The following HMCN2 variants were observed in gnomAD, a reference collection of about 807,000 sequenced individuals.
The protein encoded by HMCN2 is hemicentin 2.
Under a neutral mutation model 377.5 loss-of-function variants are expected in HMCN2, and 325 were observed. That is an observed-to-expected ratio of 0.86 (90% CI 0.79 to 0.94). HMCN2 has a LOEUF of 0.94. Among genes scored for constraint, HMCN2 ranks in the 40% least tolerant of loss-of-function variants. The pLI is 0.00. For missense variants in HMCN2, 4,543 were observed against 4,725.3 expected (o/e 0.96, Z 1.13); for synonymous variants, 2,007 against 2,046.8 (o/e 0.98, Z 0.53).
In HMCN2 at chr9:130,299,060, C is replaced by A. The variant is rs1554933208; in HGVS notation, c.1048C>A (p.Leu350Met). 1 of 471,004 alleles carries A rather than the reference C, an allele frequency of 2.1e-6. No individual in the cohort carries two copies. 29.2% of individuals were successfully genotyped at this position (471,004 alleles called of 1,614,324 possible). A position where few individuals can be genotyped will look rare whatever the true frequency, so the allele number is the denominator to read the frequency against. ...CTCCCTGGTGATCAATTCCACGGGC[C>A]TGAAGGCACCCGGCCGCCTAGACTC... ...PISLVINSTG[L>M]KAPGRLDSVE... The change falls in exon 8 of 98, where the codon CTG becomes ATG. Residue 350 changes from leucine to methionine, a missense_variant. Around this residue, in one of 5 missense-constraint regions of HMCN2, gnomAD observed 547 missense variants for 189.9 expected, o/e 2.88. Transcript: ENST00000683500.
intron 4 of HMCN2, among the ~76,000 whole-genome samples, chr9:130,290,519 C>T (rs1554929673): frequency 6.6e-6 from 1 of 152,224 alleles, no homozygotes; most frequent in African/African-American, 2.4e-5. Context: ...CCTGACAAGG[C>T]CTGGCCCGGG....
At chr9:130,385,292 G>A (rs1841961805) in intron 59 of HMCN2, among the ~76,000 whole-genome samples, 1 of 152,114 alleles carries the variant, frequency 6.6e-6, no homozygotes, top group Non-Finnish European at 1.5e-5. Flanking sequence ...GCCCCTGTAG[G>A]AAAAAGCCTG....
intron 62 of HMCN2, 37 bp downstream of exon 62, chr9:130,388,577 A>G (rs1033196936): frequency 5.1e-6 from 5 of 987,624 alleles, no homozygotes; most frequent in Non-Finnish European, 6.0e-6. Context: ...CGCGTAAAGC[A>G]TTCCTTTCTT....
intron 41 of HMCN2, among the ~76,000 whole-genome samples, chr9:130,365,290 G>C (rs773116512): frequency 6.6e-6 from 1 of 152,230 alleles, no homozygotes; most frequent in Non-Finnish European, 1.5e-5. Flanking sequence ...CCTTCTCTTC[G>C]GGTCTGTTTT....
intron 46 of HMCN2, among the ~76,000 whole-genome samples, chr9:130,372,013 C>T (rs909946589): frequency 6.6e-6 from 1 of 152,202 alleles, no homozygotes; most frequent in African/African-American, 2.4e-5. Flanking sequence ...CCCTTCAGCT[C>T]CAGCCAATCC....
In HMCN2 at chr9:130,361,103, A is replaced by G. The variant is rs976246266; in HGVS notation, c.5950+499A>G. On this transcript the variant is annotated intron_variant, in intron 38 of 97. Coordinates refer to ENST00000683500, the MANE Select transcript of HMCN2 (RefSeq NM_001291815.2). This position sits in a 1 kb window ranked among gnomAD's most constrained non-coding sequence, Gnocchi z 4.8. ...CCATTCTTTCCTTGATCCATTTTCT[A>G]TCCAACCACACTTATTGAGTCCATG... Among the ~76,000 whole-genome samples the G allele has an allele frequency of 7.2e-5, 11 of 152,224 alleles. No homozygotes were observed. Among genetic ancestry groups the G allele is most frequent in the African/African-American group, 2.4e-4 (10 of 41,516 alleles).
intron 7 of HMCN2, 90 bp from the exon 8 acceptor site, chr9:130,298,935 C>T (rs1296482020): frequency 2.5e-6 from 1 of 400,626 alleles, no homozygotes; most frequent in Non-Finnish European, 5.2e-6. Flanking sequence ...AAGCAGGACC[C>T]CTGGGGTGTG....
At chr9:130,334,038 C>T (rs1838576056) in intron 22 of HMCN2, among the ~76,000 whole-genome samples, 1 of 152,198 alleles carries the variant, frequency 6.6e-6, no homozygotes, top group Non-Finnish European at 1.5e-5. Flanking sequence ...ACCTACCAGC[C>T]TGGGGCATCA....
In HMCN2 at chr9:130,356,197, G is replaced by A. The variant is rs571961607; in HGVS notation, c.5365G>A (p.Ala1789Thr). 7.1e-4 allele frequency: 923 copies of A among 1,302,896 alleles called. 2 individuals carry two copies. The highest frequency in any genetic ancestry group is 1.0e-3 in the African/African-American group (68 of 65,928). 80.7% of individuals were successfully genotyped at this position (1,302,896 alleles called of 1,614,324 possible). A position where few individuals can be genotyped will look rare whatever the true frequency, so the allele number is the denominator to read the frequency against. Residue 1789 changes from alanine (A) to threonine (T), a missense_variant, in exon 34 of 98, where the codon GCC becomes ACC. By Grantham distance (58) the Ala-to-Thr change is moderately conservative. This residue lies in a region of HMCN2 where 1,032 missense variants were observed against 1,285.1 expected (regional missense o/e 0.80). Coordinates refer to ENST00000683500, the MANE Select transcript of HMCN2 (RefSeq NM_001291815.2). Reference sequence around the variant, plus strand: ...GGAGCTGGACCACTCAGGCCTCTTCGCCTGCCAGGCCACCAATGAGGCGGG... The same window carrying A: ...GGAGCTGGACCACTCAGGCCTCTTCACCTGCCAGGCCACCAATGAGGCGGG... ...HVELDHSGLF[A>T]CQATNEAGTA...
In HMCN2 at chr9:130,316,299, G is replaced by C. The variant is rs973014900; in HGVS notation, c.2351-3196G>C. Among the ~76,000 whole-genome samples the C allele has an allele frequency of 2.9e-4, 44 of 152,174 alleles. No homozygotes were observed. In the East Asian group the frequency reaches 6.6e-3, roughly 23 times the overall value. On this transcript the variant is annotated intron_variant, in intron 15 of 97. Coordinates refer to ENST00000683500, the MANE Select transcript of HMCN2 (RefSeq NM_001291815.2). ...GTGTTGAGGGCTGGGGAGTTGTGGA[G>C]GTGTCTAGGGGCAGATGGACACAGG...
rs139117060 is a variant in HMCN2 at position 130,394,046 on chromosome 9, G to A, written c.10501+38G>A. ...GCCTCTGGCCAGCTTCTCTGGGCTC[G>A]GGGGAGAGGGTGGGACTCTAGGGGC... On this transcript the variant is annotated intron_variant, in intron 68 of 97. Transcript: ENST00000683500. This position sits in a 1 kb window ranked among gnomAD's most constrained non-coding sequence, Gnocchi z 5.1. 6.9e-4 allele frequency: 827 copies of A among 1,203,696 alleles called. 10 individuals are homozygous for A. In the East Asian group the frequency reaches 0.018, roughly 26 times the overall value. 74.6% of individuals were successfully genotyped at this position (1,203,696 alleles called of 1,614,324 possible).
At chr9:130,314,728 C>A (rs1837443866) in intron 15 of HMCN2, among the ~76,000 whole-genome samples, 1 of 152,192 alleles carries the variant, frequency 6.6e-6, no homozygotes. Flanking sequence ...CAGCCCTGCC[C>A]CCGTGCTCTG....
Position 130,385,466 on chromosome 9 carries a change from C to A in HMCN2, c.9107-94C>A, listed in dbSNP as rs1208238612. 12 of 884,360 alleles carry A rather than the reference C, an allele frequency of 1.4e-5. No homozygotes were observed. In the Admixed American group the frequency reaches 2.9e-4, roughly 21 times the overall value. The allele number at this position is 884,360 out of a possible 1,614,324, so 54.8% of individuals were successfully genotyped here. On this transcript the variant is annotated intron_variant, in intron 59 of 97. Coordinates refer to ENST00000683500, the MANE Select transcript of HMCN2 (RefSeq NM_001291815.2). ...CCCCGGGGCTGGGTCTGCTGTGTGA[C>A]CCTGGTGGGTTTCCACTGGCATTTT... is the stretch of plus-strand genomic sequence containing the variant.
At chr9:130,283,483 C>T (rs189077544) in intron 1 of HMCN2, among the ~76,000 whole-genome samples, 4 of 132,604 alleles carry the variant, frequency 3.0e-5, no homozygotes. Context: ...AATTTACATA[C>T]ATTGAAATGC....
At position 130,368,448 on chromosome 9, in the gene HMCN2, TG is replaced by T. The variant is rs1425867960; in HGVS notation, c.6787+14del. The T allele has an allele frequency of 1.0e-6, 1 of 985,810 alleles. No homozygotes were observed. Among genetic ancestry groups the T allele is most frequent in the Non-Finnish European group, 1.2e-6 (1 of 830,136 alleles). 61.1% of individuals were successfully genotyped at this position (985,810 alleles called of 1,614,324 possible). A position where few individuals can be genotyped will look rare whatever the true frequency, so the allele number is the denominator to read the frequency against. On this transcript the variant is annotated intron_variant, in intron 44 of 97. Transcript: ENST00000683500. ...AGCTGGAGGTGCACGGTGGGTGAGCTGGGCGGGGGCTGGAAGGGTCTGGGAT... is the reference window on the plus strand; with the variant it reads ...AGCTGGAGGTGCACGGTGGGTGAGCTGGCGGGGGCTGGAAGGGTCTGGGAT...
In HMCN2 at chr9:130,393,819, G is replaced by A. The variant is rs1038880299; in HGVS notation, c.10312G>A (p.Glu3438Lys). 3.9e-6 allele frequency: 5 copies of A among 1,288,488 alleles called. No individual in the cohort carries two copies. The African/African-American group carries it at 4.6e-5, about 12-fold the overall frequency. The allele number at this position is 1,288,488 out of a possible 1,614,324, so 79.8% of individuals were successfully genotyped here. A position where few individuals can be genotyped will look rare whatever the true frequency, so the allele number is the denominator to read the frequency against. The change falls in exon 68 of 98, where the codon GAG (glutamate) becomes AAG (lysine). Residue 3438 changes from glutamate (E) to lysine (K), a missense_variant. By Grantham distance (56) the Glu-to-Lys change is moderately conservative. This residue lies in a region of HMCN2 where 1,073 missense variants were observed against 1,319.5 expected (regional missense o/e 0.81). Transcript: ENST00000683500. This position sits in a 1 kb window ranked among gnomAD's most constrained non-coding sequence, Gnocchi z 5.2. ...VRGSLVELPC[E>K]ARGVPLPLVS... Reference sequence around the variant, plus strand: ...TGGCTCCCTGGTGGAACTCCCGTGCGAGGCCCGGGGCGTTCCCCTGCCTCT... The same window carrying A: ...TGGCTCCCTGGTGGAACTCCCGTGCAAGGCCCGGGGCGTTCCCCTGCCTCT...
At position 130,400,979 on chromosome 9, in the gene HMCN2, C is replaced by CTGAG. The variant is rs1272179253; in HGVS notation, c.11770+33_11770+36dup. The CTGAG allele has an allele frequency of 7.9e-6, 10 of 1,267,076 alleles. No individual in the cohort carries two copies. The South Asian group carries it at 1.2e-4, about 15-fold the overall frequency. 78.5% of individuals were successfully genotyped at this position (1,267,076 alleles called of 1,614,324 possible). ...AAGGGTAAGCCACAGAGAGAGGCAG[C>CTGAG]TGAGGGGAGACTGGGAGAGCAGGCA... On this transcript the variant is annotated intron_variant, in intron 77 of 97. Transcript: ENST00000683500.
chr9:130,362,214 G>A (rs1384633527), intron 39 of HMCN2, 49 bp downstream of exon 39: 1 of 981,678 alleles, frequency 1.0e-6, no homozygotes, highest in Non-Finnish European at 1.2e-6. Flanking sequence ...ACCTCCCGTA[G>A]ATGCTGGGAA....
chr9:130,401,103 T>A (rs1262120308), intron 77 of HMCN2, among the ~76,000 whole-genome samples, 156 bp downstream of exon 77: 1 of 152,218 alleles, frequency 6.6e-6, no homozygotes, highest in Admixed American at 6.5e-5. Flanking sequence ...TCGCCCTCTC[T>A]GAGCTCCATA....
Sources: gnomAD v4.1 joint callset for allele counts (sites outside exome capture counted in the v4.1 genomes callset) on GRCh38, gnomAD v4.1.1 for gene constraint, gnomAD v4.1.1 regional missense constraint, Gnocchi (gnomAD v3.1) non-coding constraint, MANE v1.5 for transcripts, NCBI Gene and HGNC (gene_info 2026-07-23, HGNC 2026-07-21) for gene names.